Variants in CEP128 observed in about 807,000 individuals in gnomAD.
CEP128 encodes centrosomal protein 128kDa.
In CEP128, 132 loss-of-function variants were observed where a neutral mutation model predicts 156.7. The ratio of observed to expected loss-of-function variants is 0.84; its 90% CI spans 0.73 to 0.97. CEP128 has a LOEUF of 0.97. Among genes scored for constraint, CEP128 ranks in the 50% least tolerant of loss-of-function variants. The pLI, the probability that CEP128 is intolerant of heterozygous loss-of-function variation, is 0.00. For missense variants in CEP128, 1,252 were observed against 1,281.9 expected (o/e 0.98, Z 0.36); for synonymous variants, 469 against 448.9 (o/e 1.04, Z -0.57).
At chr14:80,740,455 C>A (rs904507296) in intron 19 of CEP128, among the ~76,000 whole-genome samples, 2 of 149,388 alleles carry the variant, frequency 1.3e-5, no homozygotes, top group African/African-American at 5.0e-5. Context: ...CACATACACA[C>A]ACACACACAC....
intron 14 of CEP128, among the ~76,000 whole-genome samples, chr14:80,481,219 G>C (rs1887046147): frequency 6.6e-6 from 1 of 152,176 alleles, no homozygotes; most frequent in Non-Finnish European, 1.5e-5. Context: ...CGGCTGGGGA[G>C]GCCTCAGAAT....
At chr14:80,741,982 T>C (rs1244870806) in intron 19 of CEP128, among the ~76,000 whole-genome samples, 1 of 152,162 alleles carries the variant, frequency 6.6e-6, no homozygotes, top group East Asian at 1.9e-4. Flanking sequence ...GCCCTAAAAA[T>C]GTCCCCACAG....
At chr14:80,757,328 G>C (rs1027566879) in intron 17 of CEP128, among the ~76,000 whole-genome samples, 1 of 152,122 alleles carries the variant, frequency 6.6e-6, no homozygotes, top group African/African-American at 2.4e-5. Flanking sequence ...GTACTTCAAA[G>C]AGGGTTATAT....
intron 19 of CEP128, among the ~76,000 whole-genome samples, chr14:80,647,678 T>G (rs1894723197): frequency 6.6e-6 from 1 of 152,086 alleles, no homozygotes; most frequent in African/African-American, 2.4e-5. Flanking sequence ...GGAGGTCGTC[T>G]GGTGAATAGC....
chr14:80,494,985 T>C (rs372183077), downstream of CEP128, among the ~76,000 whole-genome samples: 1 of 152,194 alleles, frequency 6.6e-6, no homozygotes, highest in African/African-American at 2.4e-5. Flanking sequence ...CCCAGCTGTG[T>C]TTCTCCCCCT....
intron 17 of CEP128, among the ~76,000 whole-genome samples, chr14:80,757,567 A>C (rs1378988285): frequency 1.3e-5 from 2 of 152,224 alleles, no homozygotes; most frequent in African/African-American, 4.8e-5. Flanking sequence ...ACTAAAGTAA[A>C]ACTGTATTCA....
intron 19 of CEP128, among the ~76,000 whole-genome samples, chr14:80,718,978 A>G (rs930152833): frequency 3.0e-4 from 45 of 152,156 alleles, no homozygotes; most frequent in African/African-American, 1.1e-3. Flanking sequence ...GATGAAGGAG[A>G]TGGGCAGGAC....
intron 19 of CEP128, among the ~76,000 whole-genome samples, chr14:80,632,977 A>T (rs1894023919): frequency 6.6e-6 from 1 of 152,174 alleles, no homozygotes; most frequent in Non-Finnish European, 1.5e-5. Context: ...CCTGTAATCC[A>T]GTACTTCGGG....
intron 13 of CEP128, among the ~76,000 whole-genome samples, chr14:80,824,652 G>C (rs1425866793): frequency 1.3e-5 from 2 of 152,148 alleles, no homozygotes; most frequent in South Asian, 2.1e-4. Context: ...CCAACAAGTT[G>C]CTCATTTCCA....
intron 9 of CEP128, among the ~76,000 whole-genome samples, chr14:80,860,089 T>A (rs1206731713): frequency 6.6e-6 from 1 of 152,164 alleles, no homozygotes; most frequent in Non-Finnish European, 1.5e-5. Context: ...TATTATCATA[T>A]GGTATAGGAA....
chr14:80,659,083 T>C (rs904828281), intron 19 of CEP128, among the ~76,000 whole-genome samples: 3 of 152,204 alleles, frequency 2.0e-5, no homozygotes, highest in African/African-American at 7.2e-5. Flanking sequence ...TAAAATGTTT[T>C]CAAAGGACAA....
intron 9 of CEP128, among the ~76,000 whole-genome samples, chr14:80,854,825 G>A (rs1887066594): frequency 6.6e-6 from 1 of 152,146 alleles, no homozygotes; most frequent in African/African-American, 2.4e-5. Flanking sequence ...CAAATATTTA[G>A]TAAGTATTAT....
At chr14:80,811,954 G>T (rs1232274176) in intron 13 of CEP128, among the ~76,000 whole-genome samples, 1 of 151,894 alleles carries the variant, frequency 6.6e-6, no homozygotes, top group Non-Finnish European at 1.5e-5. Flanking sequence ...AGGTTCAGGG[G>T]CACATGTGCA....
chr14:80,863,707 T>C (rs1887629964), intron 8 of CEP128, among the ~76,000 whole-genome samples: 1 of 152,226 alleles, frequency 6.6e-6, no homozygotes, highest in Non-Finnish European at 1.5e-5. Context: ...AAATCTTTTG[T>C]CACCAATTAT....
At chr14:80,836,064 G>GA in intron 12 of CEP128, 141 bp downstream of exon 12, 1 of 810,714 alleles carries the variant, frequency 1.2e-6, no homozygotes, top group Non-Finnish European at 2.0e-6. Context: ...CAACTTATCA[G>GA]AAAATGTTTA....
At position 80,844,460 on chromosome 14, in the gene CEP128, A is replaced by G. The variant is rs547825526; in HGVS notation, c.763-3692T>C. On this transcript the variant is annotated intron_variant, in intron 9 of 24. Coordinates refer to ENST00000555265, the MANE Select transcript of CEP128 (RefSeq NM_152446.5). ...TATTGATACTATTATGATACCATAC[A>G]TACTTGAGGGATATCAAAGTAAGGG... is the stretch of plus-strand genomic sequence containing the variant. Among the ~76,000 whole-genome samples, 46 of 152,290 alleles carry G rather than the reference A, an allele frequency of 3.0e-4. 2 individuals carry two copies. The highest frequency in any genetic ancestry group is 1.1e-3 in the African/African-American group (45 of 41,590).
At chr14:80,800,686 A>T (rs1357283000) in intron 13 of CEP128, among the ~76,000 whole-genome samples, 4 of 152,222 alleles carry the variant, frequency 2.6e-5, no homozygotes, top group African/African-American at 7.2e-5. Flanking sequence ...TGAGAAAAAA[A>T]AATCACAGGA....
chr14:80,955,353 G>GAGGGGCGCCCGGGGT, intron 2 of CEP128: 1 of 477,236 alleles, frequency 2.1e-6, no homozygotes, highest in Non-Finnish European at 3.9e-6. Context: ...GCCCGGGGTG[G>GAGGGGCGCCCGGGGT]GGGGGCGGGC....
In CEP128 at chr14:80,522,291, C is replaced by T. The variant is rs112750639; in HGVS notation, c.3072+4578G>A. ...TTGAACAGCCATTAATTGCTGTGAG[C>T]AAGGTATAAACAAATCACAAAGATT... On this transcript the variant is annotated intron_variant, in intron 23 of 24. Transcript: ENST00000555265. Among the ~76,000 whole-genome samples, 317 of 152,212 alleles carry T rather than the reference C, an allele frequency of 2.1e-3. 1 individual carries two copies. Among genetic ancestry groups the T allele is most frequent in the African/African-American group, 7.1e-3 (296 of 41,538 alleles).
Sources: gnomAD v4.1 joint callset for allele counts (sites outside exome capture counted in the v4.1 genomes callset) on GRCh38, gnomAD v4.1.1 for gene constraint, MANE v1.5 for transcripts, NCBI Gene and HGNC (gene_info 2026-07-23, HGNC 2026-07-21) for gene names.